ABCC4: variants seen among roughly 807,000 people sequenced by gnomAD.
The protein encoded by ABCC4 is ATP-binding cassette sub-family C member 4.
Under a neutral mutation model 168.5 loss-of-function variants are expected in ABCC4, and 102 were observed. The ratio of observed to expected loss-of-function variants is 0.61; its 90% confidence interval spans 0.52 to 0.71. The LOEUF (loss-of-function observed/expected upper bound fraction) is 0.71. Ranked by LOEUF, ABCC4 falls within the 30% of genes least tolerant of loss-of-function variation. The probability of loss-of-function intolerance (pLI) is 0.00; values close to 1 mark genes in which losing one functional copy is unlikely to be tolerated. For synonymous variants in ABCC4, 617 were observed against 590.7 expected (o/e 1.04, Z -0.65); for missense variants, 1,402 against 1,605.8 (o/e 0.87, Z 2.17).
intron 1 of ABCC4, among the ~76,000 whole-genome samples, chr13:95,285,419 G>A (rs531845679): frequency 1.3e-5 from 2 of 150,790 alleles, no homozygotes; most frequent in African/African-American, 2.4e-5. Context: ...GCATGGTGGC[G>A]GGTGCCTGTA....
intron 8 of ABCC4, among the ~76,000 whole-genome samples, chr13:95,196,610 A>G (rs1266023983): frequency 2.9e-4 from 2 of 6,944 alleles, no homozygotes; most frequent in African/African-American, 1.2e-3. Context: ...GGAAGGAAGG[A>G]AGGAAGGAAG....
chr13:95,071,963 G>A, intron 24 of ABCC4, 110 bp from the exon 25 acceptor site: 1 of 843,698 alleles, frequency 1.2e-6, no homozygotes, highest in Non-Finnish European at 1.7e-6. Context: ...GTTAAGGAGA[G>A]AAGCAGGAGA....
intron 9 of ABCC4, among the ~76,000 whole-genome samples, chr13:95,191,185 G>A (rs1342663440): frequency 6.6e-6 from 1 of 151,930 alleles, no homozygotes; most frequent in African/African-American, 2.4e-5. Context: ...AGCACGGTGG[G>A]GGAATAAGAG....
intron 3 of ABCC4, among the ~76,000 whole-genome samples, chr13:95,240,145 G>A (rs534376872): frequency 4.6e-5 from 7 of 152,314 alleles, no homozygotes; most frequent in South Asian, 2.1e-4. Context: ...GATACAGCAT[G>A]CAAGGATGTA....
chr13:95,266,665 C>T (rs1345443805), intron 1 of ABCC4, among the ~76,000 whole-genome samples: 1 of 152,040 alleles, frequency 6.6e-6, no homozygotes, highest in Non-Finnish European at 1.5e-5. Context: ...CACCAACAAG[C>T]GACAGGCTCT....
At chr13:95,134,853 A>T (rs1352004307) in intron 19 of ABCC4, among the ~76,000 whole-genome samples, 1 of 152,166 alleles carries the variant, frequency 6.6e-6, no homozygotes, top group East Asian at 1.9e-4. Context: ...AGGATCACCA[A>T]GCAGCGATGA....
chr13:95,138,566 G>A (rs2036211568), intron 19 of ABCC4, among the ~76,000 whole-genome samples: 1 of 152,076 alleles, frequency 6.6e-6, no homozygotes, highest in Non-Finnish European at 1.5e-5. Context: ...GCTCATGCCT[G>A]GAATCTCAGC....
chr13:95,073,585 A>C (rs1230414817), intron 23 of ABCC4: 1 of 255,160 alleles, frequency 3.9e-6, no homozygotes, highest in African/African-American at 2.2e-5. Flanking sequence ...GTCATTATTC[A>C]GACATTCATT....
chr13:95,137,991 T>TG (rs2036193964), intron 19 of ABCC4, among the ~76,000 whole-genome samples: 1 of 151,920 alleles, frequency 6.6e-6, no homozygotes, highest in Admixed American at 6.6e-5. Context: ...AAGTGGGCGG[T>TG]GGGGCGGGGG....
At chr13:95,275,761 A>AAAG (rs2040956817) in intron 1 of ABCC4, among the ~76,000 whole-genome samples, 1 of 151,824 alleles carries the variant, frequency 6.6e-6, no homozygotes, top group Non-Finnish European at 1.5e-5. Context: ...AAAAAAAAAA[A>AAAG]AAATCAAGTA....
chr13:95,070,566 C>T (rs1320218111), intron 25 of ABCC4, among the ~76,000 whole-genome samples: 2 of 152,214 alleles, frequency 1.3e-5, no homozygotes, highest in African/African-American at 2.4e-5. Context: ...CAAAACTCCA[C>T]ACAGCCTCCC....
intron 26 of ABCC4, among the ~76,000 whole-genome samples, chr13:95,061,819 C>T (rs982850031): frequency 2.0e-5 from 3 of 152,058 alleles, no homozygotes; most frequent in Non-Finnish European, 2.9e-5. Context: ...GACCCCATGC[C>T]GGTGGGGACA....
chr13:95,028,141 T>C (rs2031637853), intron 30 of ABCC4, among the ~76,000 whole-genome samples: 1 of 152,112 alleles, frequency 6.6e-6, no homozygotes, highest in Non-Finnish European at 1.5e-5. Context: ...CTGAAAACCA[T>C]AGCATCAAAG....
At position 95,034,605 on chromosome 13, in the gene ABCC4, C is replaced by T. The variant is rs1488306130; in HGVS notation, c.3870G>A (p.Gln1290=). 1.2e-6 allele frequency: 2 copies of T among 1,612,406 alleles called. No individual in the cohort carries two copies. The highest frequency in any genetic ancestry group is 1.1e-5 in the South Asian group (1 of 90,942). Residue 1290 remains glutamine (Q), a splice_region_variant and synonymous_variant, in exon 30 of 31, where the codon CAG becomes CAA. Coordinates refer to ENST00000645237, the MANE Select transcript of ABCC4 (RefSeq NM_005845.5). The stretch of plus-strand genomic sequence containing the variant: ...TTACAACTCCTTGGAGCACGCTCAC[C>T]TGTTTTGCTGTTTCAGTGAGGGCAG... The part of the protein sequence containing the change: ...EAAALTETAK[Q]VYFKRNYPHI...
At chr13:95,075,361 T>C (rs1212093399) in intron 22 of ABCC4, 71 bp downstream of exon 22, 3 of 1,599,250 alleles carry the variant, frequency 1.9e-6, no homozygotes, top group African/African-American at 2.7e-5. Context: ...CAAGCTCATC[T>C]GACCAGGGAG....
At chr13:95,116,153 G>T in intron 19 of ABCC4, 152 bp from the exon 20 acceptor site, 5 of 530,426 alleles carry the variant, frequency 9.4e-6, no homozygotes, top group Non-Finnish European at 1.6e-5. Flanking sequence ...TAAAGAAAAA[G>T]AAAATAGGAC....
intron 25 of ABCC4, among the ~76,000 whole-genome samples, chr13:95,070,166 C>A (rs2033677592): frequency 6.6e-6 from 1 of 152,152 alleles, no homozygotes; most frequent in African/African-American, 2.4e-5. Flanking sequence ...ATCGCTTGAA[C>A]CTGGGAGGTG....
intron 13 of ABCC4, among the ~76,000 whole-genome samples, chr13:95,176,224 A>T (rs9524818): frequency 6.9e-4 from 4 of 5,806 alleles, no homozygotes; most frequent in Non-Finnish European, 1.6e-3. Flanking sequence ...AGCCGAGGGC[A>T]GGGGGGGGGG....
At chr13:95,117,006 C>T (rs566810118) in intron 19 of ABCC4, among the ~76,000 whole-genome samples, 20 of 152,270 alleles carry the variant, frequency 1.3e-4, no homozygotes, top group Middle Eastern at 3.4e-3. Flanking sequence ...AGGCTGTAGA[C>T]GGAGCTGCCT....
Sources: gnomAD v4.1 joint callset for allele counts (sites outside exome capture counted in the v4.1 genomes callset) on GRCh38, gnomAD v4.1.1 for gene constraint, MANE v1.5 for transcripts, NCBI Gene and HGNC (gene_info 2026-07-23, HGNC 2026-07-21) for gene names.